FLNB: variants seen among roughly 807,000 people sequenced by gnomAD.
FLNB encodes the protein filamin B.
In FLNB, 111 loss-of-function variants were observed where a neutral mutation model predicts 250.6. The ratio of observed to expected loss-of-function variants is 0.44; its 90% confidence interval spans 0.38 to 0.52. The LOEUF is 0.52. Ranked by LOEUF, FLNB falls within the 20% of genes least tolerant of loss-of-function variation. The probability of loss-of-function intolerance (pLI) is 0.00; values close to 1 mark genes in which losing one functional copy is unlikely to be tolerated. For missense variants in FLNB, 2,869 were observed against 3,447.8 expected, an observed-to-expected ratio of 0.83 and a Z score of 4.20; for synonymous variants, 1,302 against 1,372.1, an observed-to-expected ratio of 0.95 and a Z score of 1.13.
chr3:58,018,325 G>C (rs1313689808), intron 1 of FLNB, among the ~76,000 whole-genome samples: 2 of 125,466 alleles, frequency 1.6e-5, no homozygotes, highest in African/African-American at 6.2e-5. Context: ...TGTATTCATT[G>C]ACTTTTTTTT....
At chr3:58,092,285 T>G (rs1336669253) in intron 4 of FLNB, among the ~76,000 whole-genome samples, 1 of 152,166 alleles carries the variant, frequency 6.6e-6, no homozygotes, top group Non-Finnish European at 1.5e-5. Flanking sequence ...GATCACTCAC[T>G]CATACATTGC....
In FLNB at chr3:58,155,967, C is replaced by T. The variant is rs541513836; in HGVS notation, c.6780C>T (p.Tyr2260=). The part of the protein sequence containing the change: ...VSYIAQEPGN[Y]EVSIKFNDEH... The stretch of plus-strand genomic sequence containing the variant: ...ACTTTCCTGTCCTCATAGGTAACTA[C>T]GAGGTGTCCATCAAGTTCAATGATG... Residue 2260 remains tyrosine (Y), a synonymous_variant, in exon 41 of 46, where the codon TAC becomes TAT. Coordinates refer to ENST00000295956, the MANE Select transcript of FLNB (RefSeq NM_001457.4). The T allele has an allele frequency of 3.1e-6, 5 of 1,605,620 alleles. No individual in the cohort carries two copies. The highest frequency in any genetic ancestry group is 4.5e-5 in the East Asian group (2 of 44,830).
At chr3:58,014,415 G>T (rs1464171858) in intron 1 of FLNB, among the ~76,000 whole-genome samples, 3 of 152,244 alleles carry the variant, frequency 2.0e-5, no homozygotes, top group Non-Finnish European at 1.5e-5. Flanking sequence ...CCCCTTTCAG[G>T]AATCTCTGGG....
rs1201671832 is a variant in FLNB, at chr3:58,077,188, G to A, written c.435G>A (p.Leu145=). The A allele has an allele frequency of 3.1e-6, 5 of 1,614,052 alleles. No homozygotes were observed. The highest frequency in any genetic ancestry group is 1.6e-4 in the Middle Eastern group (1 of 6,084). Residue 145 remains leucine, a synonymous_variant, in exon 2 of 46, where the codon CTG becomes CTA. Coordinates refer to ENST00000295956, the MANE Select transcript of FLNB (RefSeq NM_001457.4). ...DAKKQTPKQR[L]LGWIQNKIPY... is the part of the protein sequence containing the mutation. ...AGAAGCAGACGCCAAAGCAGAGGCT[G>A]CTGGGGTGGATTCAGAACAAGATCC... is the stretch of plus-strand genomic sequence containing the variant.
At chr3:58,022,249 G>A (rs998582969) in intron 1 of FLNB, among the ~76,000 whole-genome samples, 7 of 152,196 alleles carry the variant, frequency 4.6e-5, no homozygotes, top group Admixed American at 3.9e-4. Context: ...TAGTATAATA[G>A]CTTGAGTATT....
chr3:58,101,140 C>T (rs2097250586), intron 8 of FLNB, among the ~76,000 whole-genome samples: 1 of 152,180 alleles, frequency 6.6e-6, no homozygotes, highest in Admixed American at 6.5e-5. Flanking sequence ...TCTCTAACTC[C>T]AAGGGTATGT....
At chr3:58,111,757 G>C (rs1023912462) in intron 16 of FLNB, 34 bp from the exon 17 acceptor site, 5 of 1,542,016 alleles carry the variant, frequency 3.2e-6, no homozygotes, top group African/African-American at 1.4e-5. Flanking sequence ...GTTGCTTCAG[G>C]GGCTTTCCTA....
chr3:58,166,697 C>T (rs2097371190), intron 43 of FLNB, among the ~76,000 whole-genome samples: 1 of 152,060 alleles, frequency 6.6e-6, no homozygotes, highest in African/African-American at 2.4e-5. Context: ...TGGTGCATGC[C>T]TGAAGTCCCA....
chr3:58,014,846 A>AGCCTCCTGAGTAGCCTCT (rs2097103745), intron 1 of FLNB, among the ~76,000 whole-genome samples: 1 of 152,110 alleles, frequency 6.6e-6, no homozygotes, highest in Admixed American at 6.5e-5. Flanking sequence ...CTCCTGCCTC[A>AGCCTCCTGAGTAGCCTCT]GCCTCCTGAG....
chr3:58,052,398 C>T (rs1192708985), intron 1 of FLNB, among the ~76,000 whole-genome samples: 1 of 152,082 alleles, frequency 6.6e-6, no homozygotes, highest in East Asian at 1.9e-4. Context: ...TAAGATGGAC[C>T]CAGCCCACTG....
chr3:58,038,240 G>C (rs1369194144), intron 1 of FLNB, among the ~76,000 whole-genome samples: 2 of 152,060 alleles, frequency 1.3e-5, no homozygotes, highest in African/African-American at 4.8e-5. Flanking sequence ...TGTTGGCCAG[G>C]CTGGTCTCGA....
chr3:58,121,330 T>A lies in FLNB; in HGVS notation c.2953T>A (p.Ser985Thr). The change falls in exon 20 of 46, where the codon TCT becomes ACT. Residue 985 changes from serine (S) to threonine (T), a missense_variant. By Grantham distance (58) the Ser-to-Thr change is moderately conservative. Coordinates refer to ENST00000295956, the MANE Select transcript of FLNB (RefSeq NM_001457.4). ...GCTGGACGTGACAATCCTCAGCCCC[T>A]CTCGGAAGGTCGTGCCATGCCTAGT... ...GKLDVTILSPSRKVVPCLVTP... is the reference protein window; with the variant it reads ...GKLDVTILSPTRKVVPCLVTP... 6.2e-7 allele frequency: 1 copy of A among 1,613,982 alleles called. No homozygotes were observed. The highest frequency in any genetic ancestry group is 8.5e-7 in the Non-Finnish European group (1 of 1,179,980).
At chr3:58,012,574 C>T (rs998888528) in intron 1 of FLNB, among the ~76,000 whole-genome samples, 4 of 152,298 alleles carry the variant, frequency 2.6e-5, no homozygotes, top group South Asian at 2.1e-4. Flanking sequence ...GATACCCACA[C>T]TCTGAACCTC....
chr3:58,135,654 G>C (rs1437405654), intron 27 of FLNB, among the ~76,000 whole-genome samples: 2 of 152,158 alleles, frequency 1.3e-5, no homozygotes, highest in African/African-American at 4.8e-5. Flanking sequence ...TGTTAATAAA[G>C]AGAAAAGGGA....
rs940585956 is a variant in FLNB, at chr3:58,110,103, C to T, written c.2417C>T (p.Thr806Met). The change falls in exon 16 of 46, where the codon ACG becomes ATG. Residue 806 changes from threonine (T) to methionine (M), a missense_variant. Transcript: ENST00000295956. The stretch of plus-strand genomic sequence containing the variant: ...GACATTATTCACAATGCCAATGATA[C>T]GTTCACAGTCAAATATGTGCCTCCT... ...DFDIIHNAND[T>M]FTVKYVPPAA... is the part of the protein sequence containing the mutation. 14 of 1,614,084 alleles carry T rather than the reference C, an allele frequency of 8.7e-6. No individual in the cohort carries two copies. The highest frequency in any genetic ancestry group is 4.4e-5 in the South Asian group (4 of 91,072).
intron 1 of FLNB, among the ~76,000 whole-genome samples, chr3:58,031,927 TTTTGTTTG>T (rs377757887): frequency 6.6e-5 from 10 of 151,698 alleles, no homozygotes; most frequent in Non-Finnish European, 1.2e-4. Context: ...GTGTTTATTA[TTTTGTTTG>T]TTTGTTTGTT....
At chr3:58,112,128 C>T in intron 17 of FLNB, 21 bp from the exon 18 acceptor site, 3 of 1,612,710 alleles carry the variant, frequency 1.9e-6, no homozygotes, top group Non-Finnish European at 2.5e-6. Context: ...TGTCTCCTCA[C>T]TTCACAGTAT....
intron 1 of FLNB, among the ~76,000 whole-genome samples, chr3:58,020,802 A>G (rs2097112848): frequency 6.6e-6 from 1 of 151,860 alleles, no homozygotes; most frequent in Non-Finnish European, 1.5e-5. Flanking sequence ...CTATAGGGAA[A>G]CGGGTGGGGA....
intron 1 of FLNB, among the ~76,000 whole-genome samples, chr3:58,036,984 T>A (rs1233215300): frequency 1.3e-5 from 2 of 152,012 alleles, no homozygotes; most frequent in Non-Finnish European, 2.9e-5. Flanking sequence ...TATACTTTCT[T>A]CTCTTCATGA....
Sources: gnomAD v4.1 joint callset for allele counts (sites outside exome capture counted in the v4.1 genomes callset) on GRCh38, gnomAD v4.1.1 for gene constraint, MANE v1.5 for transcripts, NCBI Gene and HGNC (gene_info 2026-07-23, HGNC 2026-07-21) for gene names.